ZCCHC14: variants seen among roughly 807,000 people sequenced by gnomAD.
ZCCHC14 encodes the protein zinc finger CCHC domain-containing protein 14.
Under a neutral mutation model 85.0 loss-of-function variants are expected in ZCCHC14, and 16 were observed. The observed-to-expected ratio is 0.19, with a 90% confidence interval of 0.13 to 0.29. The LOEUF (loss-of-function observed/expected upper bound fraction) is 0.29, where lower values mean the gene tolerates loss of function less well. Ranked by LOEUF, ZCCHC14 falls within the 10% of genes least tolerant of loss-of-function variation. ZCCHC14 has a pLI of 1.00. For missense variants in ZCCHC14, 1,303 were observed against 1,443.5 expected (o/e 0.90, Z 1.58); for synonymous variants, 775 against 630.7 (o/e 1.23, Z -3.43).
At chr16:87,415,083 C>CA (rs757402134) in intron 9 of ZCCHC14, among the ~76,000 whole-genome samples, 193 bp downstream of exon 9, 3 of 151,492 alleles carry the variant, frequency 2.0e-5, no homozygotes, top group Admixed American at 6.6e-5. Context: ...GACTCCGTCT[C>CA]AAAAAATAAA....
At chr16:87,457,729 T>C (rs1414759129) in intron 2 of ZCCHC14, among the ~76,000 whole-genome samples, 4 of 151,928 alleles carry the variant, frequency 2.6e-5, no homozygotes, top group East Asian at 1.9e-4. Flanking sequence ...GTAATAAAAC[T>C]ATACAACTTA....
intron 1 of ZCCHC14, among the ~76,000 whole-genome samples, chr16:87,480,266 G>C (rs1008538146): frequency 1.3e-5 from 2 of 152,070 alleles, no homozygotes; most frequent in Non-Finnish European, 2.9e-5. Context: ...AGCCTGGCAT[G>C]GTGGTGGGTG....
chr16:87,469,268 C>G lies in ZCCHC14; in HGVS notation c.571-9137G>C, dbSNP rs144449331. On this transcript the variant is annotated intron_variant, in intron 1 of 12. Transcript: ENST00000671377. Reference sequence around the variant, plus strand: ...TATCCATTATGCAGCCATATGAGATCATCCATCTGATCCCTGCAGTACGTG... The same window carrying G: ...TATCCATTATGCAGCCATATGAGATGATCCATCTGATCCCTGCAGTACGTG... Among the ~76,000 whole-genome samples, 249 of 152,328 alleles carry G rather than the reference C, an allele frequency of 1.6e-3. 1 individual carries two copies. The highest frequency in any genetic ancestry group is 5.8e-3 in the African/African-American group (240 of 41,574).
intron 1 of ZCCHC14, among the ~76,000 whole-genome samples, chr16:87,461,278 AG>A (rs1040129514): frequency 6.6e-6 from 1 of 152,172 alleles, no homozygotes; most frequent in Non-Finnish European, 1.5e-5. Context: ...GGGCGAGAGG[AG>A]GGGGGTAGCA....
rs534277965 is a variant in ZCCHC14 at position 87,457,963 on chromosome 16, G to C, written c.694+2045C>G. Among the ~76,000 whole-genome samples, 15 of 152,218 alleles carry C rather than the reference G, an allele frequency of 9.9e-5. No homozygotes were observed. The East Asian group carries it at 2.9e-3, about 29-fold the overall frequency. On this transcript the variant is annotated intron_variant, in intron 2 of 12. Transcript: ENST00000671377. ...CTGTGGGGTTTGAGAATGACCACTC[G>C]TGGCCTCAGAGCCGACCCGCCAGCC...
chr16:87,431,306 T>C (rs920699634), intron 3 of ZCCHC14, among the ~76,000 whole-genome samples: 3 of 151,250 alleles, frequency 2.0e-5, no homozygotes, highest in Non-Finnish European at 2.9e-5. Context: ...ACCCCGTCTC[T>C]ACTAAAAATA....
chr16:87,431,923 C>A (rs908281653), intron 3 of ZCCHC14, among the ~76,000 whole-genome samples: 4 of 152,212 alleles, frequency 2.6e-5, no homozygotes, highest in Non-Finnish European at 5.9e-5. Context: ...ACTACCATCA[C>A]AGGCACCAGC....
At chr16:87,457,511 G>A (rs772372648) in intron 2 of ZCCHC14, among the ~76,000 whole-genome samples, 2 of 152,198 alleles carry the variant, frequency 1.3e-5, no homozygotes, top group Non-Finnish European at 2.9e-5. Context: ...TGAAGATGAT[G>A]TAAGTCAGTA....
chr16:87,435,262 TAAG>T (rs1250703111), intron 2 of ZCCHC14, among the ~76,000 whole-genome samples: 2 of 152,076 alleles, frequency 1.3e-5, no homozygotes, highest in African/African-American at 4.8e-5. Flanking sequence ...TTAAGTTAAT[TAAG>T]AAGGAATAAA....
intron 2 of ZCCHC14, among the ~76,000 whole-genome samples, chr16:87,459,288 G>C (rs1275815842): frequency 6.6e-6 from 1 of 152,110 alleles, no homozygotes; most frequent in African/African-American, 2.4e-5. Flanking sequence ...CACCGCTCTA[G>C]TGGTTAAGGA....
In ZCCHC14 at chr16:87,483,239, CT is replaced by C. The variant is rs1292704942; in HGVS notation, c.570+8429del. ...TTGGGAGGCCGAGGTGGGTGGATCT[CT>C]TGAAGTCAGGAGCTTGAGACCAGCC... is the stretch of plus-strand genomic sequence containing the variant. On this transcript the variant is annotated intron_variant, in intron 1 of 12. Coordinates refer to ENST00000671377, the MANE Select transcript of ZCCHC14 (RefSeq NM_015144.3). Among the ~76,000 whole-genome samples, 3 of 131,930 alleles carry C rather than the reference CT, an allele frequency of 2.3e-5. No homozygotes were observed. The Admixed American group carries it at 2.7e-4, about 12-fold the overall frequency. The allele number at this position is 131,930 out of a possible 152,430, so 86.6% of individuals were successfully genotyped here. A position where few individuals can be genotyped will look rare whatever the true frequency, so the allele number is the denominator to read the frequency against.
rs1015493021 is a variant in ZCCHC14, at chr16:87,492,451, C to A, written c.-213G>T. On this transcript the variant is annotated 5_prime_UTR_variant, in exon 1 of 13. Coordinates refer to ENST00000671377, the MANE Select transcript of ZCCHC14 (RefSeq NM_015144.3). The surrounding 1 kb of genome is among the most constrained non-coding windows in gnomAD (Gnocchi z 6.7). ...AAGGCTCCCGTCAGGGGCCGGCGGGCGGGCGCGCGCGGGGCGCCGGGGGGG... is the reference window on the plus strand; with the variant it reads ...AAGGCTCCCGTCAGGGGCCGGCGGGAGGGCGCGCGCGGGGCGCCGGGGGGG... 3 of 142,864 alleles carry A rather than the reference C, an allele frequency of 2.1e-5. No individual in the cohort carries two copies. Among genetic ancestry groups the A allele is most frequent in the Non-Finnish European group, 4.6e-5 (3 of 64,690 alleles). The allele number at this position is 142,864 out of a possible 1,614,324, so 8.8% of individuals were successfully genotyped here.
intron 1 of ZCCHC14, among the ~76,000 whole-genome samples, chr16:87,485,610 A>C (rs1912480768): frequency 1.3e-5 from 2 of 150,626 alleles, no homozygotes; most frequent in Non-Finnish European, 2.9e-5. Flanking sequence ...AAAAAAAAGA[A>C]GAAGAATCTT....
chr16:87,430,500 A>C (rs1038478702), intron 3 of ZCCHC14, among the ~76,000 whole-genome samples: 1 of 150,186 alleles, frequency 6.7e-6, no homozygotes, highest in Non-Finnish European at 1.5e-5. Flanking sequence ...AGTTCTTTCC[A>C]TATCACTTTA....
intron 3 of ZCCHC14, among the ~76,000 whole-genome samples, chr16:87,424,283 C>T (rs1318922920): frequency 6.6e-6 from 1 of 152,202 alleles, no homozygotes; most frequent in Non-Finnish European, 1.5e-5. Flanking sequence ...CCTTCGACCA[C>T]CGGTAAGGGC....
Position 87,492,581 on chromosome 16 carries a change from G to T in ZCCHC14, c.-343C>A. 6.8e-6 allele frequency: 1 copy of T among 146,882 alleles called. No homozygotes were observed. Among genetic ancestry groups the T allele is most frequent in the South Asian group, 1.9e-4 (1 of 5,374 alleles). 9.1% of individuals were successfully genotyped at this position (146,882 alleles called of 1,614,324 possible). Reference sequence around the variant, plus strand: ...TGCCCAGCGGCGGCCGGTGCGCGGCGGCGGCGGCGGCTGCTCCTCGTCGTC... The same window carrying T: ...TGCCCAGCGGCGGCCGGTGCGCGGCTGCGGCGGCGGCTGCTCCTCGTCGTC... On this transcript the variant is annotated 5_prime_UTR_variant, in exon 1 of 13. Transcript: ENST00000671377. The surrounding 1 kb of genome is among the most constrained non-coding windows in gnomAD (Gnocchi z 6.7).
intron 8 of ZCCHC14, among the ~76,000 whole-genome samples, chr16:87,416,063 T>C (rs1908767647): frequency 6.6e-6 from 1 of 152,102 alleles, no homozygotes; most frequent in Non-Finnish European, 1.5e-5. Context: ...GTAGCTGGGA[T>C]TACAGGCACC....
rs529002347 is a variant in ZCCHC14, at chr16:87,476,537, T to C, written c.570+15132A>G. On this transcript the variant is annotated intron_variant, in intron 1 of 12. Transcript: ENST00000671377. ...ACACTGCACAAGGCGGGGTACGGTA[T>C]TAACTCCAAGCAGACTGTGTAAAGT... 3.3e-5 allele frequency among the ~76,000 whole-genome samples: 5 copies of C among 152,138 alleles called. No homozygotes were observed. In the South Asian group the frequency reaches 1.0e-3, roughly 32 times the overall value.
At chr16:87,489,335 C>T in intron 1 of ZCCHC14, among the ~76,000 whole-genome samples, 1 of 152,032 alleles carries the variant, frequency 6.6e-6, no homozygotes, top group Non-Finnish European at 1.5e-5. Flanking sequence ...AAAGATGAAA[C>T]AAAAAAATTG....
Sources: allele counts gnomAD v4.1 joint callset (sites outside exome capture counted in the v4.1 genomes callset), GRCh38; gene constraint gnomAD v4.1.1; non-coding constraint Gnocchi (gnomAD v3.1); transcripts MANE v1.5; gene names NCBI Gene and HGNC (gene_info 2026-07-23, HGNC 2026-07-21).